Variants in EYS observed in about 807,000 individuals in gnomAD.
The protein encoded by EYS is protein eyes shut homolog.
In EYS, 250 loss-of-function variants were observed where a neutral mutation model predicts 282.1. The observed-to-expected ratio is 0.89, with a 90% CI of 0.80 to 0.98. EYS has a LOEUF of 0.98. EYS is among the 50% of genes least tolerant of loss of function. EYS has a pLI of 0.00. For missense variants in EYS, 4,016 were observed against 3,709.0 expected, an observed-to-expected ratio of 1.08 and a Z score of -2.15; for synonymous variants, 1,355 against 1,282.9, an observed-to-expected ratio of 1.06 and a Z score of -1.20.
intron 13 of EYS, among the ~76,000 whole-genome samples, chr6:65,026,604 A>G (rs1224359457): frequency 1.3e-5 from 2 of 152,152 alleles, no homozygotes; most frequent in Non-Finnish European, 2.9e-5. Context: ...TTTGGAAAAT[A>G]CTGTCAAGAA....
At chr6:64,183,266 C>T (rs561743891) in intron 31 of EYS, among the ~76,000 whole-genome samples, 1 of 152,108 alleles carries the variant, frequency 6.6e-6, no homozygotes, top group African/African-American at 2.4e-5. Context: ...TTATAAATTA[C>T]CCAGTCTCAA....
intron 29 of EYS, among the ~76,000 whole-genome samples, chr6:64,356,382 G>A (rs1771824762): frequency 6.6e-6 from 1 of 151,496 alleles, no homozygotes; most frequent in South Asian, 2.1e-4. Context: ...TATTTCTTTA[G>A]AAAATTAAAT....
intron 30 of EYS, among the ~76,000 whole-genome samples, chr6:64,245,168 A>G (rs1485719037): frequency 6.6e-6 from 1 of 152,144 alleles, no homozygotes; most frequent in East Asian, 1.9e-4. Context: ...AATGTCCATC[A>G]ATGATAGACT....
chr6:63,839,409 A>G (rs553974847), intron 36 of EYS, among the ~76,000 whole-genome samples: 1 of 152,242 alleles, frequency 6.6e-6, no homozygotes, highest in Non-Finnish European at 1.5e-5. Flanking sequence ...TCTTTCAAAG[A>G]TGAATAGCAT....
intron 30 of EYS, among the ~76,000 whole-genome samples, chr6:64,233,255 T>G (rs1315015306): frequency 6.6e-6 from 1 of 152,200 alleles, no homozygotes; most frequent in African/African-American, 2.4e-5. Context: ...GAAAGAAACA[T>G]TAATCATTTG....
intron 2 of EYS, among the ~76,000 whole-genome samples, chr6:65,589,047 A>T (rs1435263734): frequency 1.3e-5 from 2 of 151,878 alleles, no homozygotes; most frequent in Non-Finnish European, 2.9e-5. Context: ...TGATAAGTTT[A>T]TTTTCTCCTG....
chr6:64,415,487 C>A (rs1172682317), intron 28 of EYS, among the ~76,000 whole-genome samples: 1 of 152,114 alleles, frequency 6.6e-6, no homozygotes, highest in Non-Finnish European at 1.5e-5. Context: ...TCTCTCTGTC[C>A]TAATAGAGAA....
intron 2 of EYS, among the ~76,000 whole-genome samples, chr6:65,581,619 A>C (rs997167636): frequency 4.6e-5 from 7 of 152,108 alleles, no homozygotes; most frequent in African/African-American, 1.7e-4. Flanking sequence ...TGTAAACTCT[A>C]TGATCTTAGT....
intron 19 of EYS, among the ~76,000 whole-genome samples, chr6:64,848,636 G>C (rs1278380256): frequency 6.6e-6 from 1 of 152,082 alleles, no homozygotes; most frequent in African/African-American, 2.4e-5. Context: ...AGGTGGATGA[G>C]CTGAAGGATA....
chr6:65,210,609 A>G (rs906406222), intron 12 of EYS, among the ~76,000 whole-genome samples: 3 of 152,030 alleles, frequency 2.0e-5, no homozygotes, highest in Non-Finnish European at 4.4e-5. Flanking sequence ...GGAAGGGGAC[A>G]GCAGCGTTGT....
chr6:64,395,606 G>T (rs578190767), intron 28 of EYS, among the ~76,000 whole-genome samples: 69 of 148,664 alleles, frequency 4.6e-4, no homozygotes, highest in African/African-American at 1.7e-3. Flanking sequence ...CACAGGAAGG[G>T]GAATATCACA....
At chr6:65,634,731 T>C (rs529736246) in intron 2 of EYS, among the ~76,000 whole-genome samples, 1 of 152,310 alleles carries the variant, frequency 6.6e-6, no homozygotes, top group African/African-American at 2.4e-5. Context: ...TCATCTACAT[T>C]CCATATTTTT....
At chr6:65,281,900 T>C (rs1367110600) in intron 12 of EYS, among the ~76,000 whole-genome samples, 1 of 152,240 alleles carries the variant, frequency 6.6e-6, no homozygotes, top group African/African-American at 2.4e-5. Flanking sequence ...AATTTAAACA[T>C]ATTTAAACAG....
At chr6:64,634,241 C>CA (rs1313108411) in intron 22 of EYS, among the ~76,000 whole-genome samples, 2 of 152,178 alleles carry the variant, frequency 1.3e-5, no homozygotes, top group Non-Finnish European at 2.9e-5. Flanking sequence ...CTTGGCCTCC[C>CA]AAAGTGTTGG....
intron 2 of EYS, among the ~76,000 whole-genome samples, chr6:65,567,922 C>T (rs938445877): frequency 2.6e-5 from 4 of 152,040 alleles, no homozygotes; most frequent in African/African-American, 9.7e-5. Context: ...GACATTTTGA[C>T]ATGCTGAACT....
At chr6:64,764,695 C>G (rs1450919886) in intron 22 of EYS, among the ~76,000 whole-genome samples, 2 of 152,198 alleles carry the variant, frequency 1.3e-5, no homozygotes, top group Admixed American at 6.5e-5. Context: ...CATTGTCAGG[C>G]TGCACATTTT....
chr6:64,640,961 C>T (rs7759285), intron 22 of EYS, among the ~76,000 whole-genome samples: 4,090 of 152,246 alleles, frequency 0.027, 201 homozygotes, highest in African/African-American at 0.093. Context: ...AACGACATGA[C>T]ATTTCTACTT....
intron 12 of EYS, among the ~76,000 whole-genome samples, chr6:65,284,187 A>T (rs1768297567): frequency 2.0e-5 from 3 of 152,146 alleles, no homozygotes; most frequent in Non-Finnish European, 4.4e-5. Flanking sequence ...TGCCCTAGCC[A>T]CAAACTTTGG....
intron 2 of EYS, among the ~76,000 whole-genome samples, chr6:65,502,530 G>T (rs1437296738): frequency 6.6e-6 from 1 of 151,490 alleles, no homozygotes; most frequent in Non-Finnish European, 1.5e-5. Context: ...CACAATTAAT[G>T]AATTAATATT....
Sources: allele counts gnomAD v4.1 joint callset (sites outside exome capture counted in the v4.1 genomes callset), GRCh38; gene constraint gnomAD v4.1.1; transcripts MANE v1.5; gene names NCBI Gene and HGNC (gene_info 2026-07-23, HGNC 2026-07-21).